The following DST variants were observed in gnomAD, a reference collection of about 807,000 sequenced individuals.
DST encodes bullous pemphigoid antigen.
In DST, 253 loss-of-function variants were observed where a neutral mutation model predicts 875.2. The ratio of observed to expected loss-of-function variants is 0.29; its 90% CI spans 0.26 to 0.32. DST has a LOEUF of 0.32. Among genes scored for constraint, DST ranks in the 10% least tolerant of loss-of-function variants. The pLI is 1.00. For synonymous variants in DST, 3,124 were observed against 3,197.1 expected (o/e 0.98, Z 0.77); for missense variants, 8,287 against 9,111.6 (o/e 0.91, Z 3.68).
Position 56,756,220 on chromosome 6 carries a change from A to T in DST, c.626-20931T>A, listed in dbSNP as rs1371050352. Reference sequence around the variant, plus strand: ...CTACCCTTGGTTCTGCTTGGTACAGACCAGACACAGAAGTGTCTGTGTGTC... The same window carrying T: ...CTACCCTTGGTTCTGCTTGGTACAGTCCAGACACAGAAGTGTCTGTGTGTC... On this transcript the variant is annotated intron_variant, in intron 4 of 103. Transcript: ENST00000680361. 2.6e-5 allele frequency among the ~76,000 whole-genome samples: 4 copies of T among 151,926 alleles called. No homozygotes were observed. The East Asian group carries it at 7.7e-4, about 29-fold the overall frequency.
At chr6:56,470,047 T>C in intron 96 of DST, 81 bp downstream of exon 96, 4 of 1,602,522 alleles carry the variant, frequency 2.5e-6, no homozygotes, top group Non-Finnish European at 3.4e-6. Flanking sequence ...AGAGTGAAAA[T>C]AAAATGGTTG....
At chr6:56,497,237 G>A (rs1173594020) in intron 82 of DST, 142 bp downstream of exon 82, 1 of 812,876 alleles carries the variant, frequency 1.2e-6, no homozygotes, top group East Asian at 2.9e-5. Flanking sequence ...TAAATGGTGT[G>A]TTTCTAACAT....
chr6:56,496,304 T>C (rs1353158692), intron 82 of DST, among the ~76,000 whole-genome samples: 1 of 152,136 alleles, frequency 6.6e-6, no homozygotes, highest in East Asian at 1.9e-4. Flanking sequence ...TCATCATTTT[T>C]TCCTCATCTT....
chr6:56,533,461 GACC>G (rs2096933618), intron 63 of DST, among the ~76,000 whole-genome samples: 1 of 152,162 alleles, frequency 6.6e-6, no homozygotes, highest in Non-Finnish European at 1.5e-5. Flanking sequence ...TTGAGATCAG[GACC>G]ACCAAGGCAG....
At chr6:56,628,313 G>A in intron 32 of DST, 152 bp from the exon 33 acceptor site, 1 of 676,968 alleles carries the variant, frequency 1.5e-6, no homozygotes, top group East Asian at 2.7e-5. Context: ...AGCACCCTGA[G>A]GCACACCCCC....
At chr6:56,592,145 GA>G (rs770873129) in intron 49 of DST, 36 bp downstream of exon 49, 53 of 1,578,886 alleles carry the variant, frequency 3.4e-5, no homozygotes, top group Non-Finnish European at 4.2e-5. Flanking sequence ...CTTTCAGTAA[GA>G]CTACTGGAAA....
chr6:56,641,382 T>C (rs773074053), intron 17 of DST, among the ~76,000 whole-genome samples: 14 of 151,818 alleles, frequency 9.2e-5, no homozygotes, highest in Non-Finnish European at 1.6e-4. Context: ...AGGTCAGGAG[T>C]ACAAGACCAG....
In DST at chr6:56,492,436, T is replaced by G. The variant is rs1192992788; in HGVS notation, c.20551-3A>C. 1.1e-5 allele frequency: 18 copies of G among 1,604,932 alleles called. No individual in the cohort carries two copies. The highest frequency in any genetic ancestry group is 1.5e-5 in the Non-Finnish European group (18 of 1,177,926). ...GAATTTACTTCATTGGCAAAAACCTTTCCCAGAAAAAAAGGAAATAAGTAG... is the reference window on the plus strand; with the variant it reads ...GAATTTACTTCATTGGCAAAAACCTGTCCCAGAAAAAAAGGAAATAAGTAG... On this transcript the variant is annotated splice_region_variant and splice_polypyrimidine_tract_variant and intron_variant, in intron 84 of 103. Transcript: ENST00000680361.
intron 4 of DST, among the ~76,000 whole-genome samples, chr6:56,820,979 T>C (rs1446111927): frequency 6.6e-6 from 1 of 152,192 alleles, no homozygotes; most frequent in Non-Finnish European, 1.5e-5. Flanking sequence ...CTTTCCAAAC[T>C]GCCAAGGCCC....
At chr6:56,612,673 A>G (rs993105982) in intron 37 of DST, among the ~76,000 whole-genome samples, 3 of 152,210 alleles carry the variant, frequency 2.0e-5, no homozygotes, top group African/African-American at 7.2e-5. Context: ...TCATGACTAT[A>G]ATCATGAGGC....
chr6:56,497,470 T>TG lies in DST; in HGVS notation c.20131dup (p.Gln6711ProfsTer5). 1 of 1,613,144 alleles carries TG rather than the reference T, an allele frequency of 6.2e-7. No homozygotes were observed. ...ATGACGCTCCGTGTCAGTCAGCCAC[T>TG]GCTGCAAATCCTCAATTTCGCCATG... On this transcript the variant is annotated frameshift_variant, in exon 82 of 104. Transcript: ENST00000680361. LOFTEE classifies it high-confidence loss of function.
At chr6:56,580,035 G>C (rs1464098867) in intron 49 of DST, among the ~76,000 whole-genome samples, 5 of 152,182 alleles carry the variant, frequency 3.3e-5, no homozygotes, top group Non-Finnish European at 2.9e-5. Context: ...TGAGAAGGTG[G>C]AATTAGTTAG....
chr6:56,950,356 T>A (rs13218276), intron 2 of DST, among the ~76,000 whole-genome samples: 19,568 of 152,224 alleles, frequency 0.13, 1,470 homozygotes, highest in Middle Eastern at 0.2. Flanking sequence ...AAGGGCATTA[T>A]AATAGTCTCC....
intron 39 of DST, among the ~76,000 whole-genome samples, chr6:56,609,872 TATAAAG>T (rs2098529896): frequency 1.3e-5 from 2 of 152,190 alleles, no homozygotes; most frequent in African/African-American, 2.4e-5. Context: ...AGGAATTAAA[TATAAAG>T]ATAACTTTTT....
At chr6:56,711,324 C>A (rs1273382079) in intron 5 of DST, among the ~76,000 whole-genome samples, 1 of 152,056 alleles carries the variant, frequency 6.6e-6, no homozygotes. Flanking sequence ...TTGCAGTAAC[C>A]TTTTTAAAAG....
intron 3 of DST, among the ~76,000 whole-genome samples, chr6:56,880,844 T>C (rs915268237): frequency 8.3e-6 from 1 of 121,146 alleles, no homozygotes. Flanking sequence ...TTTCTTTTTT[T>C]TTTTTTTTTT....
chr6:56,459,797 G>C (rs1175510177), intron 103 of DST, among the ~76,000 whole-genome samples: 1 of 152,206 alleles, frequency 6.6e-6, no homozygotes, highest in Non-Finnish European at 1.5e-5. Context: ...GTGAGGCTCA[G>C]TGTGGCTGGG....
intron 4 of DST, among the ~76,000 whole-genome samples, chr6:56,765,534 G>T (rs112003838): frequency 0.062 from 9,441 of 152,262 alleles, 922 homozygotes; most frequent in African/African-American, 0.21. Context: ...GGAGAAGACT[G>T]TAAAATAAAC....
chr6:56,532,841 T>C (rs2096920544), intron 63 of DST, among the ~76,000 whole-genome samples: 1 of 152,126 alleles, frequency 6.6e-6, no homozygotes. Context: ...GTGCAAAATC[T>C]CCATTATCGG....
Sources: gnomAD v4.1 joint callset for allele counts (sites outside exome capture counted in the v4.1 genomes callset) on GRCh38, gnomAD v4.1.1 for gene constraint, MANE v1.5 for transcripts, NCBI Gene and HGNC (gene_info 2026-07-23, HGNC 2026-07-21) for gene names.